The following SRD5A2 variants were observed in gnomAD, a reference collection of about 807,000 sequenced individuals.
SRD5A2 encodes the protein steroid 5 alpha-reductase 2, also known as 3-oxo-5-alpha-steroid 4-dehydrogenase 2.
SRD5A2 carries 30 observed loss-of-function variants against 27.4 expected under a neutral mutation model. The ratio of observed to expected loss-of-function variants is 1.10; its 90% CI spans 0.82 to 1.49. SRD5A2 has a LOEUF of 1.49. Among genes scored for constraint, SRD5A2 ranks in the 40% most tolerant of loss-of-function variants. The probability of loss-of-function intolerance (pLI) is 0.00; values close to 1 mark genes in which losing one functional copy is unlikely to be tolerated. For synonymous variants in SRD5A2, 141 were observed against 133.6 expected, an observed-to-expected ratio of 1.06 and a Z score of -0.38; for missense variants, 348 against 323.4, an observed-to-expected ratio of 1.08 and a Z score of -0.58.
At chr2:31,623,886 T>A in the SRD5A2 span, among the ~76,000 whole-genome samples, 1 of 152,128 alleles carries the variant, frequency 6.6e-6, no homozygotes, top group Admixed American at 6.6e-5. Flanking sequence ...TTTAGTTCTG[T>A]TTACATGATA....
Position 31,524,271 on chromosome 2 carries a change from TCAC to T in SRD5A2, c.*1922_*1924del, listed in dbSNP as rs1405065870. On this transcript the variant is annotated 3_prime_UTR_variant, in exon 5 of 5. Transcript: ENST00000622030. ...CTCAAGCTACACCTGAAGATTTACT[TCAC>T]CAAGTGTGTTCATTCCCCCTGTGTA... The T allele has an allele frequency of 4.4e-6, 1 of 227,496 alleles. No individual in the cohort carries two copies. Among genetic ancestry groups the T allele is most frequent in the Non-Finnish European group, 8.7e-6 (1 of 114,516 alleles). The allele number at this position is 227,496 out of a possible 1,614,324, so 14.1% of individuals were successfully genotyped here. A position where few individuals can be genotyped will look rare whatever the true frequency, so the allele number is the denominator to read the frequency against.
At chr2:31,590,935 T>C in the SRD5A2 span, among the ~76,000 whole-genome samples, 1 of 152,104 alleles carries the variant, frequency 6.6e-6, no homozygotes, top group Non-Finnish European at 1.5e-5. Context: ...AAAAATTAAT[T>C]CAAGATGGAT....
intron 3 of SRD5A2, among the ~76,000 whole-genome samples, chr2:31,529,962 G>T (rs574087879): frequency 1.3e-5 from 2 of 152,192 alleles, no homozygotes; most frequent in African/African-American, 4.8e-5. Flanking sequence ...CCACCCTTCT[G>T]CAAAGCACTC....
rs189747372 is a variant in SRD5A2, at chr2:31,537,904, G to T, written c.282-4138C>A. Among the ~76,000 whole-genome samples, 118 of 152,162 alleles carry T rather than the reference G, an allele frequency of 7.8e-4. 1 individual carries two copies. Among genetic ancestry groups the T allele is most frequent in the African/African-American group, 2.6e-3 (109 of 41,486 alleles). ...CCTTTCACCTTCTGCCTTCCTCCAC[G>T]TGAGAATACACCAAGAAGGAGTCCA... On this transcript the variant is annotated intron_variant, in intron 1 of 4. Transcript: ENST00000622030.
At chr2:31,563,383 A>G (rs1666665344) in intron 1 of SRD5A2, 1 of 151,524 alleles carries the variant, frequency 6.6e-6, no homozygotes, top group South Asian at 2.1e-4. Context: ...CCAGGCTAGA[A>G]AAAAAAAAGG....
chr2:31,655,683 T>A, the SRD5A2 span, among the ~76,000 whole-genome samples: 2 of 151,736 alleles, frequency 1.3e-5, no homozygotes, highest in Non-Finnish European at 2.9e-5. Flanking sequence ...GAGGAAGAGG[T>A]GGGAAGAATG....
chr2:31,618,475 A>T, the SRD5A2 span, among the ~76,000 whole-genome samples: 1 of 152,212 alleles, frequency 6.6e-6, no homozygotes, highest in South Asian at 2.1e-4. Flanking sequence ...ATATATACAC[A>T]ATGGAATACT....
chr2:31,612,014 A>G, the SRD5A2 span, among the ~76,000 whole-genome samples: 6 of 152,206 alleles, frequency 3.9e-5, no homozygotes, highest in Non-Finnish European at 8.8e-5. Flanking sequence ...GTGGTGGCTC[A>G]TTCCTGTAAT....
chr2:31,629,742 G>T, the SRD5A2 span, among the ~76,000 whole-genome samples: 1 of 152,124 alleles, frequency 6.6e-6, no homozygotes, highest in Non-Finnish European at 1.5e-5. Context: ...AGTTGCCCAT[G>T]CGTGCACCCC....
intron 1 of SRD5A2, among the ~76,000 whole-genome samples, chr2:31,563,938 T>C (rs936568361): frequency 1.3e-5 from 2 of 152,088 alleles, no homozygotes; most frequent in African/African-American, 4.8e-5. Context: ...GATCAAATTG[T>C]TTCCAAGTAA....
In SRD5A2 at chr2:31,543,644, G is replaced by C. The variant is rs143852971; in HGVS notation, c.282-9878C>G. On this transcript the variant is annotated intron_variant, in intron 1 of 4. Coordinates refer to ENST00000622030, the MANE Select transcript of SRD5A2 (RefSeq NM_000348.4). ...AATCAAAGAGAGATGGGAAGGAGCT[G>C]TTAAAGTAGCAGAGTTTTATGTTAT... is the stretch of plus-strand genomic sequence containing the variant. Among the ~76,000 whole-genome samples the C allele has an allele frequency of 2.6e-3, 392 of 152,236 alleles. 1 individual carries two copies. The highest frequency in any genetic ancestry group is 4.3e-3 in the Non-Finnish European group (290 of 67,962).
the SRD5A2 span, among the ~76,000 whole-genome samples, chr2:31,609,201 A>G: frequency 6.6e-6 from 1 of 152,096 alleles, no homozygotes; most frequent in Non-Finnish European, 1.5e-5. Flanking sequence ...CAGCAGCCTG[A>G]GCAAACTAAG....
intron 1 of SRD5A2, among the ~76,000 whole-genome samples, chr2:31,567,059 A>G (rs1400211237): frequency 2.6e-5 from 4 of 152,178 alleles, no homozygotes; most frequent in Admixed American, 2.6e-4. Context: ...TGCAACTAAT[A>G]TTTTTGAAAT....
chr2:31,606,095 C>G, the SRD5A2 span, among the ~76,000 whole-genome samples: 1 of 151,754 alleles, frequency 6.6e-6, no homozygotes, highest in East Asian at 1.9e-4. Flanking sequence ...ATCTAAAAAT[C>G]AAAACAATTG....
chr2:31,637,625 G>A, the SRD5A2 span, among the ~76,000 whole-genome samples: 11 of 151,960 alleles, frequency 7.2e-5, no homozygotes, highest in Non-Finnish European at 1.5e-4. Context: ...TCTGCCTATG[G>A]GATATCCCTA....
At chr2:31,636,305 T>G in the SRD5A2 span, among the ~76,000 whole-genome samples, 3 of 152,074 alleles carry the variant, frequency 2.0e-5, no homozygotes, top group Admixed American at 1.3e-4. Flanking sequence ...CTGTCATAAA[T>G]GAGGTTGCAT....
chr2:31,544,315 A>C (rs570465442), intron 1 of SRD5A2, among the ~76,000 whole-genome samples: 4 of 152,100 alleles, frequency 2.6e-5, no homozygotes, highest in African/African-American at 9.6e-5. Flanking sequence ...AGAGAACTTA[A>C]CACAATAAAC....
At chr2:31,616,247 G>A in the SRD5A2 span, among the ~76,000 whole-genome samples, 1 of 152,184 alleles carries the variant, frequency 6.6e-6, no homozygotes. Flanking sequence ...GAAAGGGAAT[G>A]TAGGGTTGAA....
At chr2:31,618,165 C>T in the SRD5A2 span, among the ~76,000 whole-genome samples, 21 of 152,034 alleles carry the variant, frequency 1.4e-4, no homozygotes, top group Non-Finnish European at 2.8e-4. Flanking sequence ...AGAGGAACTC[C>T]CATTTATAAA....
Sources: allele counts gnomAD v4.1 joint callset (sites outside exome capture counted in the v4.1 genomes callset), GRCh38; gene constraint gnomAD v4.1.1; transcripts MANE v1.5; gene names NCBI Gene and HGNC (gene_info 2026-07-23, HGNC 2026-07-21).